CDH1: variants seen among roughly 807,000 people sequenced by gnomAD.
CDH1 encodes the protein cadherin 1.
In CDH1, 35 loss-of-function variants were observed where a neutral mutation model predicts 84.5. The observed-to-expected ratio is 0.41, with a 90% CI of 0.32 to 0.55. The LOEUF (loss-of-function observed/expected upper bound fraction) is 0.55. Among genes scored for constraint, CDH1 ranks in the 20% least tolerant of loss-of-function variants. CDH1 has a pLI of 0.19. For synonymous variants in CDH1, 417 were observed against 439.0 expected (o/e 0.95, Z 0.63); for missense variants, 994 against 1,126.6 (o/e 0.88, Z 1.68).
In CDH1 at chr16:68,833,503, A is replaced by T. The variant is rs2152144290; in HGVS notation, c.*4A>T. ...CGGAGGCGGCGAGGACGACTAGGGG[A>T]CTCGAGAGAGGCGGGCCCCAGACCC... On this transcript the variant is annotated 3_prime_UTR_variant, in exon 16 of 16. Transcript: ENST00000261769. The T allele has an allele frequency of 6.2e-7, 1 of 1,612,358 alleles. No homozygotes were observed. The highest frequency in any genetic ancestry group is 1.1e-5 in the South Asian group (1 of 91,020).
chr16:68,800,906 T>G (rs1960479563), intron 2 of CDH1, among the ~76,000 whole-genome samples: 1 of 152,196 alleles, frequency 6.6e-6, no homozygotes, highest in Admixed American at 6.5e-5. Flanking sequence ...GTCCATCTCT[T>G]CCTCAGTAGT....
chr16:68,751,602 A>G (rs555857786), intron 2 of CDH1, among the ~76,000 whole-genome samples: 1 of 151,944 alleles, frequency 6.6e-6, no homozygotes, highest in East Asian at 1.9e-4. Flanking sequence ...TCCTGGGTTC[A>G]AGCAGTTCTC....
intron 2 of CDH1, among the ~76,000 whole-genome samples, chr16:68,763,060 T>A: frequency 6.6e-6 from 1 of 151,586 alleles, no homozygotes; most frequent in East Asian, 1.9e-4. Context: ...TTCCTGAAGA[T>A]AAATCAATTG....
Position 68,776,365 on chromosome 16 carries a change from G to A in CDH1, c.164-25305G>A, listed in dbSNP as rs35914555. Among the ~76,000 whole-genome samples the A allele has an allele frequency of 6.4e-3, 979 of 152,216 alleles. 12 individuals are homozygous for A. The highest frequency in any genetic ancestry group is 0.022 in the African/African-American group (924 of 41,518). On this transcript the variant is annotated intron_variant, in intron 2 of 15. Transcript: ENST00000261769. ...TTTACTATTTTTAATAATGACCAACGTTTCCTGAACATGAATAGTGGATTA... is the reference window on the plus strand; with the variant it reads ...TTTACTATTTTTAATAATGACCAACATTTCCTGAACATGAATAGTGGATTA...
chr16:68,810,113 G>A (rs2152130865), intron 5 of CDH1, 84 bp from the exon 6 acceptor site: 1 of 1,448,124 alleles, frequency 6.9e-7, no homozygotes, highest in Non-Finnish European at 9.7e-7. Flanking sequence ...GCAGCCAGGG[G>A]GGCGCACTCT....
At chr16:68,771,880 C>T (rs1456644173) in intron 2 of CDH1, among the ~76,000 whole-genome samples, 2 of 152,124 alleles carry the variant, frequency 1.3e-5, no homozygotes, top group African/African-American at 2.4e-5. Flanking sequence ...CGTGCCTAGC[C>T]CATTGAGCTT....
intron 2 of CDH1, among the ~76,000 whole-genome samples, chr16:68,744,881 C>T (rs978551525): frequency 6.6e-6 from 1 of 152,130 alleles, no homozygotes. Context: ...AGATCCCCTG[C>T]GCTCCCTCTC....
At chr16:68,763,803 A>AAACT (rs1959292858) in intron 2 of CDH1, among the ~76,000 whole-genome samples, 1 of 152,204 alleles carries the variant, frequency 6.6e-6, no homozygotes, top group African/African-American at 2.4e-5. Flanking sequence ...ACCTCCTGCA[A>AAACT]AACTAACTAC....
chr16:68,751,070 T>TC (rs940844186), intron 2 of CDH1, among the ~76,000 whole-genome samples: 9 of 152,134 alleles, frequency 5.9e-5, no homozygotes, highest in African/African-American at 2.2e-4. Context: ...CTTCCTGGTC[T>TC]CCCCACTTAT....
intron 2 of CDH1, among the ~76,000 whole-genome samples, chr16:68,741,853 T>A (rs888817863): frequency 2.0e-5 from 3 of 152,144 alleles, no homozygotes; most frequent in African/African-American, 7.2e-5. Context: ...GTATTTTTAG[T>A]AGAGACAGGA....
At chr16:68,769,645 T>A (rs777711671) in intron 2 of CDH1, among the ~76,000 whole-genome samples, 1 of 151,286 alleles carries the variant, frequency 6.6e-6, no homozygotes, top group African/African-American at 2.4e-5. Context: ...ATTTTATCCA[T>A]GGCTGGGAGT....
chr16:68,769,941 A>C (rs28628339), intron 2 of CDH1, among the ~76,000 whole-genome samples: 2 of 150,226 alleles, frequency 1.3e-5, no homozygotes, highest in East Asian at 4.0e-4. Flanking sequence ...TCGGCCTCCC[A>C]AAGTGCTGGG....
At chr16:68,739,824 A>G (rs1339336158) in intron 2 of CDH1, among the ~76,000 whole-genome samples, 1 of 151,986 alleles carries the variant, frequency 6.6e-6, no homozygotes, top group Non-Finnish European at 1.5e-5. Flanking sequence ...CATGTTGGCC[A>G]GGCTGGTCTG....
At chr16:68,773,866 A>T (rs1467450884) in intron 2 of CDH1, among the ~76,000 whole-genome samples, 21 of 152,216 alleles carry the variant, frequency 1.4e-4, no homozygotes, top group Non-Finnish European at 8.8e-5. Context: ...GATGGCCAAG[A>T]CGAGAGATTG....
At chr16:68,787,549 G>T (rs1292510854) in intron 2 of CDH1, among the ~76,000 whole-genome samples, 1 of 150,728 alleles carries the variant, frequency 6.6e-6, no homozygotes, top group East Asian at 1.9e-4. Flanking sequence ...CTACTATGTT[G>T]CCCAGGCTGG....
At chr16:68,814,763 C>T (rs1242597326) in intron 9 of CDH1, among the ~76,000 whole-genome samples, 1 of 151,852 alleles carries the variant, frequency 6.6e-6, no homozygotes, top group African/African-American at 2.4e-5. Flanking sequence ...GTCCTAGAAA[C>T]TTGAAAACTA....
intron 2 of CDH1, among the ~76,000 whole-genome samples, chr16:68,761,549 A>C (rs1284933270): frequency 2.0e-5 from 3 of 152,228 alleles, no homozygotes; most frequent in Non-Finnish European, 2.9e-5. Flanking sequence ...TTGTATTCTC[A>C]GGTATTGCAG....
intron 2 of CDH1, among the ~76,000 whole-genome samples, chr16:68,795,242 G>C (rs1960326450): frequency 6.6e-6 from 1 of 152,190 alleles, no homozygotes; most frequent in Non-Finnish European, 1.5e-5. Flanking sequence ...GATGGAGTTA[G>C]AAACACTGTC....
At position 68,812,209 on chromosome 16, in the gene CDH1, T is replaced by C. The variant is rs1057521835; in HGVS notation, c.1083T>C (p.Ala361=). Residue 361 remains alanine (A), a synonymous_variant, in exon 8 of 16, where the codon GCT becomes GCC. Coordinates refer to ENST00000261769, the MANE Select transcript of CDH1 (RefSeq NM_004360.5). Reference sequence around the variant, plus strand: ...AGGGGTTAAGCACAACAGCAACAGCTGTGATCACAGTCACTGACACCAACG... The same window carrying C: ...AGGGGTTAAGCACAACAGCAACAGCCGTGATCACAGTCACTGACACCAACG... ...QGEGLSTTAT[A]VITVTDTNDN... is the part of the protein sequence containing the mutation. 2 of 1,614,060 alleles carry C rather than the reference T, an allele frequency of 1.2e-6. No homozygotes were observed. Among genetic ancestry groups the C allele is most frequent in the African/African-American group, 2.7e-5 (2 of 74,946 alleles).
Sources: gnomAD v4.1 joint callset for allele counts (sites outside exome capture counted in the v4.1 genomes callset) on GRCh38, gnomAD v4.1.1 for gene constraint, MANE v1.5 for transcripts, NCBI Gene and HGNC (gene_info 2026-07-23, HGNC 2026-07-21) for gene names.